BMPR2: variants seen among roughly 807,000 people sequenced by gnomAD.
BMPR2 encodes bone morphogenetic protein receptor type-2.
BMPR2 carries 29 observed loss-of-function variants against 100.8 expected under a neutral mutation model. The observed-to-expected ratio is 0.29, with a 90% CI of 0.21 to 0.39. The LOEUF is 0.39. Ranked by LOEUF, BMPR2 falls within the 10% of genes least tolerant of loss-of-function variation. The pLI is 1.00. For missense variants in BMPR2, 1,011 were observed against 1,274.5 expected (o/e 0.79, Z 3.15); for synonymous variants, 382 against 442.3 (o/e 0.86, Z 1.71).
At chr2:202,514,786 C>G (rs770392455) in intron 4 of BMPR2, 102 bp from the exon 5 acceptor site, 4 of 943,616 alleles carry the variant, frequency 4.2e-6, no homozygotes, top group Non-Finnish European at 6.6e-6. Flanking sequence ...TGCTGCTAAT[C>G]TTTCTGCAGC....
chr2:202,389,385 G>T (rs897062017), intron 1 of BMPR2, among the ~76,000 whole-genome samples: 16 of 150,152 alleles, frequency 1.1e-4, no homozygotes, highest in Non-Finnish European at 2.2e-4. Flanking sequence ...AAATTAGCTT[G>T]GCGTGGTGGC....
At chr2:202,420,427 G>A (rs1312358201) in intron 1 of BMPR2, among the ~76,000 whole-genome samples, 5 of 151,208 alleles carry the variant, frequency 3.3e-5, no homozygotes, top group Non-Finnish European at 7.4e-5. Context: ...ATTGTTTACA[G>A]TTAAGGTTTT....
At chr2:202,403,495 G>A (rs993134864) in intron 1 of BMPR2, among the ~76,000 whole-genome samples, 2 of 151,842 alleles carry the variant, frequency 1.3e-5, no homozygotes, top group African/African-American at 2.4e-5. Flanking sequence ...TTTTTTTCTC[G>A]TATAATTTTG....
At chr2:202,494,406 C>G (rs899947543) in intron 3 of BMPR2, among the ~76,000 whole-genome samples, 3 of 152,142 alleles carry the variant, frequency 2.0e-5, no homozygotes, top group African/African-American at 7.2e-5. Flanking sequence ...TGACACAGAC[C>G]CAGACAAAAG....
intron 3 of BMPR2, among the ~76,000 whole-genome samples, chr2:202,483,584 C>T (rs974548529): frequency 3.3e-5 from 5 of 151,772 alleles, no homozygotes; most frequent in Non-Finnish European, 5.9e-5. Flanking sequence ...TTTTTGGTAG[C>T]GATGGGGTTT....
intron 1 of BMPR2, among the ~76,000 whole-genome samples, chr2:202,426,824 G>A (rs751863913): frequency 1.3e-5 from 2 of 152,178 alleles, no homozygotes; most frequent in Non-Finnish European, 2.9e-5. Context: ...TGAGGCTTCA[G>A]TGAGCTATGA....
chr2:202,535,956 C>G (rs530401881), intron 9 of BMPR2, among the ~76,000 whole-genome samples: 134 of 148,560 alleles, frequency 9.0e-4, no homozygotes, highest in African/African-American at 3.1e-3. Flanking sequence ...TGCCTGCAAT[C>G]GCAGGCACTC....
intron 10 of BMPR2, among the ~76,000 whole-genome samples, chr2:202,544,443 C>G (rs1165600886): frequency 6.6e-6 from 1 of 152,158 alleles, no homozygotes; most frequent in East Asian, 1.9e-4. Context: ...ATTTTCTTCA[C>G]AACTTTGAAA....
intron 3 of BMPR2, 90 bp from the exon 4 acceptor site, chr2:202,513,629 G>T: frequency 3.5e-6 from 3 of 856,362 alleles, no homozygotes; most frequent in Non-Finnish European, 5.8e-6. Context: ...GATTATACAT[G>T]GGTACAGCCT....
rs1045376906 is a variant in BMPR2, at chr2:202,443,091, A to G, written c.77-21718A>G. On this transcript the variant is annotated intron_variant, in intron 1 of 12. Coordinates refer to ENST00000374580, the MANE Select transcript of BMPR2 (RefSeq NM_001204.7). ...GAGGAAGACACCAGATCTTTTTTCT[A>G]CACTGTGGGAAGACACAGCAACAAC... 6.0e-5 allele frequency among the ~76,000 whole-genome samples: 9 copies of G among 150,504 alleles called. 1 individual carries two copies. Among genetic ancestry groups the G allele is most frequent in the African/African-American group, 2.0e-4 (8 of 39,854 alleles).
chr2:202,498,966 C>T (rs1031178728), intron 3 of BMPR2, among the ~76,000 whole-genome samples: 2 of 152,178 alleles, frequency 1.3e-5, no homozygotes, highest in Admixed American at 6.5e-5. Flanking sequence ...CCACCATATC[C>T]TAGCCTCCCT....
chr2:202,428,873 C>G (rs999970188), intron 1 of BMPR2, among the ~76,000 whole-genome samples: 11 of 152,188 alleles, frequency 7.2e-5, no homozygotes, highest in Non-Finnish European at 1.5e-4. Flanking sequence ...ATATATCTAA[C>G]TGTAAGCCTT....
At chr2:202,526,286 C>T (rs1378067198) in intron 7 of BMPR2, among the ~76,000 whole-genome samples, 1 of 152,190 alleles carries the variant, frequency 6.6e-6, no homozygotes, top group Admixed American at 6.5e-5. Context: ...ACCCTCATCC[C>T]TTGCTACATT....
In BMPR2 at chr2:202,464,961, A is replaced by T; in HGVS notation, c.229A>T (p.Ile77Leu). The change falls in exon 2 of 13, where the codon ATA becomes TTA. Residue 77 changes from isoleucine to leucine, a missense_variant. By Grantham distance (5) the Ile-to-Leu change is conservative. Transcript: ENST00000374580. Reference protein sequence around the residue: ...YGLWEKSKGDINLVKQGCWSH... With the variant: ...YGLWEKSKGDLNLVKQGCWSH... ...CCTTTGGGAGAAATCAAAAGGGGAC[A>T]TAAATCTTGTAAAACAAGGCAAGTG... 3 of 1,614,208 alleles carry T rather than the reference A, an allele frequency of 1.9e-6. No individual in the cohort carries two copies. Among genetic ancestry groups the T allele is most frequent in the Non-Finnish European group, 2.5e-6 (3 of 1,180,036 alleles).
At position 202,464,882 on chromosome 2, in the gene BMPR2, A is replaced by G. The variant is rs201759998; in HGVS notation, c.150A>G (p.Arg50=). 144 of 1,613,756 alleles carry G rather than the reference A, an allele frequency of 8.9e-5. No individual in the cohort carries two copies. The highest frequency in any genetic ancestry group is 1.1e-4 in the Non-Finnish European group (135 of 1,179,760). ...AAGACCTTGGGATAGGTGAGAGTAG[A>G]ATCTCTCATGAAAATGGGACAATAT... The part of the protein sequence containing the change: ...YQQDLGIGES[R]ISHENGTILC... The change falls in exon 2 of 13, where the codon AGA becomes AGG. Residue 50 remains arginine (R), a synonymous_variant. Coordinates refer to ENST00000374580, the MANE Select transcript of BMPR2 (RefSeq NM_001204.7).
At position 202,380,965 on chromosome 2, in the gene BMPR2, C is replaced by CTT. The variant is rs1159400445; in HGVS notation, c.76+3441_76+3442dup. ...GCCCTGGCCCTGGATTTCTTTCTTT[C>CTT]TTTTTTTTTTTTTTTTTTTTTTTTT... is the stretch of plus-strand genomic sequence containing the variant. On this transcript the variant is annotated intron_variant, in intron 1 of 12. Transcript: ENST00000374580. Among the ~76,000 whole-genome samples, 585 of 70,788 alleles carry CTT rather than the reference C, an allele frequency of 8.3e-3. 120 individuals are homozygous for CTT. The highest frequency in any genetic ancestry group is 0.016 in the African/African-American group (283 of 17,332). 46.4% of individuals were successfully genotyped at this position (70,788 alleles called of 152,430 possible). A position where few individuals can be genotyped will look rare whatever the true frequency, so the allele number is the denominator to read the frequency against.
chr2:202,420,079 A>G (rs1691227371), intron 1 of BMPR2, among the ~76,000 whole-genome samples: 3 of 152,178 alleles, frequency 2.0e-5, no homozygotes, highest in Admixed American at 2.0e-4. Flanking sequence ...GAAGATTTTC[A>G]TAATAATGCT....
chr2:202,495,985 G>A lies in BMPR2; in HGVS notation c.419-17734G>A, dbSNP rs1481988741. ...ACTTATTTTTATTTTATAGTTTAAT[G>A]TATTTTAGTAACAAACAGGAACAGC... On this transcript the variant is annotated intron_variant, in intron 3 of 12. Transcript: ENST00000374580. This position sits in a 1 kb window ranked among gnomAD's most constrained non-coding sequence, Gnocchi z 4.5. Among the ~76,000 whole-genome samples, 1 of 152,170 alleles carries A rather than the reference G, an allele frequency of 6.6e-6. No individual in the cohort carries two copies. The highest frequency in any genetic ancestry group is 1.5e-5 in the Non-Finnish European group (1 of 68,032).
At chr2:202,518,796 C>G (rs746599303) in intron 5 of BMPR2, 26 bp from the exon 6 acceptor site, 1 of 1,572,280 alleles carries the variant, frequency 6.4e-7, no homozygotes, top group Non-Finnish European at 8.8e-7. Context: ...GATATTAATA[C>G]CTTGCTTTCT....
Sources: gnomAD v4.1 joint callset for allele counts (sites outside exome capture counted in the v4.1 genomes callset) on GRCh38, gnomAD v4.1.1 for gene constraint, Gnocchi (gnomAD v3.1) non-coding constraint, MANE v1.5 for transcripts, NCBI Gene and HGNC (gene_info 2026-07-23, HGNC 2026-07-21) for gene names.